The following SAMD12 variants were observed in gnomAD, a reference collection of about 807,000 sequenced individuals.
SAMD12 encodes the protein sterile alpha motif domain containing 12, also known as sterile alpha motif domain-containing protein 12.
In SAMD12, 9 loss-of-function variants were observed where a neutral mutation model predicts 15.0. That is an observed-to-expected ratio of 0.60 (90% CI 0.36 to 1.05). SAMD12 has a LOEUF of 1.05. Ranked by LOEUF, SAMD12 falls within the 50% of genes least tolerant of loss-of-function variation. SAMD12 has a pLI of 0.01. For missense variants in SAMD12, 230 were observed against 234.2 expected (o/e 0.98, Z 0.12); for synonymous variants, 86 against 90.1 (o/e 0.96, Z 0.25).
At chr8:118,196,984 G>A (rs1370406443) in exon 5 of SAMD12, 2 of 151,950 alleles carry the variant, frequency 1.3e-5, no homozygotes, top group Non-Finnish European at 2.9e-5. Context: ...GTATCTGGAG[G>A]TGAAGTCTAA....
intron 4 of SAMD12, among the ~76,000 whole-genome samples, chr8:118,305,499 A>AAAC (rs1262810507): frequency 4.6e-5 from 7 of 152,176 alleles, no homozygotes; most frequent in Admixed American, 2.6e-4. Flanking sequence ...AATTGTATGT[A>AAAC]TATACCACAT....
chr8:118,315,224 C>T (rs1815833190), intron 4 of SAMD12, among the ~76,000 whole-genome samples: 1 of 152,182 alleles, frequency 6.6e-6, no homozygotes, highest in African/African-American at 2.4e-5. Context: ...CTTTTTGTAG[C>T]TCATCTGAAA....
the SAMD12 span, among the ~76,000 whole-genome samples, chr8:118,155,791 A>G: frequency 6.6e-6 from 1 of 152,234 alleles, no homozygotes; most frequent in South Asian, 2.1e-4. Flanking sequence ...AGGAAATGGT[A>G]TGTGTCCAAA....
intron 4 of SAMD12, among the ~76,000 whole-genome samples, chr8:118,248,157 G>A (rs967805652): frequency 6.6e-6 from 1 of 152,106 alleles, no homozygotes; most frequent in Admixed American, 6.6e-5. Context: ...CACCATGGAA[G>A]ACATGAAATT....
At chr8:118,348,011 T>C (rs1168094470) in intron 4 of SAMD12, among the ~76,000 whole-genome samples, 1 of 152,218 alleles carries the variant, frequency 6.6e-6, no homozygotes, top group Admixed American at 6.5e-5. Context: ...CTCAGTTTCC[T>C]TACCTGTAAA....
intron 2 of SAMD12, among the ~76,000 whole-genome samples, chr8:118,471,899 AAAAAC>A (rs1823805407): frequency 6.6e-6 from 1 of 151,802 alleles, no homozygotes; most frequent in Non-Finnish European, 1.5e-5. Context: ...GGGATATAGA[AAAAAC>A]AAAACAAAAC....
At chr8:118,413,378 C>T (rs1218719554) in intron 3 of SAMD12, among the ~76,000 whole-genome samples, 1 of 152,142 alleles carries the variant, frequency 6.6e-6, no homozygotes, top group Non-Finnish European at 1.5e-5. Flanking sequence ...GTCTCTAATA[C>T]ACTTGGCATA....
chr8:118,591,467 C>T (rs1346883328), intron 1 of SAMD12, among the ~76,000 whole-genome samples: 1 of 152,136 alleles, frequency 6.6e-6, no homozygotes, highest in African/African-American at 2.4e-5. Context: ...ATTCTTGACA[C>T]CTACCATGTG....
chr8:118,185,045 A>G (rs1436695590), downstream of SAMD12, among the ~76,000 whole-genome samples: 1 of 151,968 alleles, frequency 6.6e-6, no homozygotes, highest in African/African-American at 2.4e-5. Flanking sequence ...CTGTGGACCT[A>G]TGTGCTTGTA....
chr8:118,302,078 G>GATTTTTTTTTTTT (rs1815062939), intron 4 of SAMD12, among the ~76,000 whole-genome samples: 3 of 74,692 alleles, frequency 4.0e-5, no homozygotes, highest in African/African-American at 2.1e-4. Flanking sequence ...ATCTTTGAGA[G>GATTTTTTTTTTTT]TTTTTTTTTT....
chr8:118,141,844 GAGA>G, the SAMD12 span, among the ~76,000 whole-genome samples: 1 of 152,192 alleles, frequency 6.6e-6, no homozygotes, highest in Non-Finnish European at 1.5e-5. Context: ...CAAATGCAGA[GAGA>G]AGAATAACAG....
chr8:118,186,186 A>T (rs10099809), downstream of SAMD12, among the ~76,000 whole-genome samples: 78 of 152,214 alleles, frequency 5.1e-4, no homozygotes, highest in Non-Finnish European at 7.2e-4. Flanking sequence ...TCATATTTTC[A>T]GAGCTGACTT....
chr8:118,435,059 C>A (rs1822538823), intron 3 of SAMD12, among the ~76,000 whole-genome samples: 1 of 24,878 alleles, frequency 4.0e-5, no homozygotes, highest in Non-Finnish European at 1.3e-4. Context: ...GCCGAGATCC[C>A]GCCACTGCAC....
At chr8:118,417,746 G>GT (rs1219424030) in intron 3 of SAMD12, among the ~76,000 whole-genome samples, 1 of 152,178 alleles carries the variant, frequency 6.6e-6, no homozygotes, top group Non-Finnish European at 1.5e-5. Flanking sequence ...TTCAAACACT[G>GT]TAAGATATAA....
chr8:118,585,313 T>C (rs1827410858), intron 1 of SAMD12, among the ~76,000 whole-genome samples: 1 of 152,170 alleles, frequency 6.6e-6, no homozygotes, highest in Non-Finnish European at 1.5e-5. Context: ...TATTGGTAAG[T>C]TATGGGTATA....
chr8:118,388,481 G>A (rs893152354), intron 3 of SAMD12, among the ~76,000 whole-genome samples: 5 of 152,098 alleles, frequency 3.3e-5, no homozygotes, highest in African/African-American at 1.2e-4. Context: ...CAATTTCCCT[G>A]TAGTACTTTT....
chr8:118,482,885 C>T (rs1014971977), intron 2 of SAMD12, among the ~76,000 whole-genome samples: 1 of 152,186 alleles, frequency 6.6e-6, no homozygotes, highest in Admixed American at 6.5e-5. Flanking sequence ...TGGAAGCCTC[C>T]TCTGTACTGA....
the SAMD12 span, among the ~76,000 whole-genome samples, chr8:118,132,867 A>G: frequency 6.6e-6 from 1 of 150,904 alleles, no homozygotes; most frequent in Admixed American, 6.6e-5. Flanking sequence ...GAATGATTTC[A>G]GAATGTGGCC....
intron 4 of SAMD12, among the ~76,000 whole-genome samples, chr8:118,323,931 CATACAGGTTTTTTTCAAG>C (rs931581824): frequency 5.9e-5 from 9 of 152,082 alleles, no homozygotes; most frequent in Non-Finnish European, 8.8e-5. Context: ...ACCTCCTATA[CATACAGGTTTTTTTCAAG>C]AAGATTATTG....
Sources: gnomAD v4.1 joint callset for allele counts (sites outside exome capture counted in the v4.1 genomes callset) on GRCh38, gnomAD v4.1.1 for gene constraint, MANE v1.5 for transcripts, NCBI Gene and HGNC (gene_info 2026-07-23, HGNC 2026-07-21) for gene names.